Variants in TRPC5 observed in about 807,000 individuals in gnomAD.
The protein encoded by TRPC5 is short transient receptor potential channel 5.
A neutral mutation model predicts 56.5 loss-of-function variants in TRPC5; 9 were observed. That is an observed-to-expected ratio of 0.16 (90% CI 0.10 to 0.28). The LOEUF is 0.28. TRPC5 is among the 10% of genes least tolerant of loss of function. The probability of loss-of-function intolerance (pLI) is 1.00; values close to 1 mark genes in which losing one functional copy is unlikely to be tolerated. For synonymous variants in TRPC5, 282 were observed against 278.5 expected, an observed-to-expected ratio of 1.01 and a Z score of -0.13; for missense variants, 469 against 748.9, an observed-to-expected ratio of 0.63 and a Z score of 4.36.
At chrX:112,010,489 A>G (rs1243702790) in intron 1 of TRPC5, among the ~76,000 whole-genome samples, 1 of 111,744 alleles carries the variant, frequency 8.9e-6, no homozygotes, top group African/African-American at 3.3e-5. Flanking sequence ...CCTAGAGGGT[A>G]TAGCCTACTA....
intron 3 of TRPC5, among the ~76,000 whole-genome samples, chrX:111,912,018 C>G (rs760465514): frequency 1.8e-5 from 2 of 112,157 alleles, no homozygotes; most frequent in Admixed American, 9.5e-5. Flanking sequence ...CGGTGTCTGT[C>G]TTCTGTATCG....
intron 3 of TRPC5, among the ~76,000 whole-genome samples, chrX:111,877,959 G>C (rs926383567): frequency 9.0e-6 from 1 of 111,422 alleles, no homozygotes; most frequent in Admixed American, 9.6e-5. Context: ...ATAGGTTCTG[G>C]TGATTAAGAA....
At chrX:111,973,997 G>T (rs1388728181) in intron 1 of TRPC5, among the ~76,000 whole-genome samples, 2 of 111,548 alleles carry the variant, frequency 1.8e-5, no homozygotes, top group Non-Finnish European at 3.8e-5. Flanking sequence ...GAAGTGATGA[G>T]GAAAATATTA....
At chrX:111,894,770 G>A (rs182086130) in intron 3 of TRPC5, among the ~76,000 whole-genome samples, 120 of 111,226 alleles carry the variant, frequency 1.1e-3, no homozygotes, top group Middle Eastern at 4.7e-3. Context: ...AGTAAATTGC[G>A]CAAATTTTAA....
chrX:112,024,057 C>A (rs1929354364), intron 1 of TRPC5, among the ~76,000 whole-genome samples: 1 of 111,576 alleles, frequency 9.0e-6, no homozygotes, highest in Admixed American at 9.5e-5. Flanking sequence ...TAAAAATGAA[C>A]CTGCCTGCTT....
At chrX:111,777,030 T>A in intron 10 of TRPC5, 28 bp from the exon 11 acceptor site, 1 of 1,080,355 alleles carries the variant, frequency 9.3e-7, no homozygotes. Context: ...ACATATTATG[T>A]CAAGAAGCTT....
At chrX:111,994,403 T>C (rs1207417589) in intron 1 of TRPC5, among the ~76,000 whole-genome samples, 3 of 111,567 alleles carry the variant, frequency 2.7e-5, no homozygotes, top group African/African-American at 9.8e-5. Context: ...TTTGGTTCCA[T>C]ATGAAGTTTA....
chrX:112,024,340 T>C (rs1187634722), intron 1 of TRPC5, among the ~76,000 whole-genome samples: 2 of 111,740 alleles, frequency 1.8e-5, no homozygotes, highest in East Asian at 2.8e-4. Flanking sequence ...ATGCAATGAA[T>C]TGAAGGCCTG....
At chrX:112,003,593 C>A (rs956330482) in intron 1 of TRPC5, among the ~76,000 whole-genome samples, 2 of 110,239 alleles carry the variant, frequency 1.8e-5, no homozygotes, top group African/African-American at 3.3e-5. Flanking sequence ...TTTGCATATG[C>A]AAGGTTGTAG....
At position 111,966,231 on chromosome X, in the gene TRPC5, G is replaced by A. The variant is rs1265827237; in HGVS notation, c.-21-13790C>T. ...CGCAACTAAACTAGAAAATCTAGAAGAAATGGATAAATTCCTCAACACATA... is the reference window on the plus strand; with the variant it reads ...CGCAACTAAACTAGAAAATCTAGAAAAAATGGATAAATTCCTCAACACATA... On this transcript the variant is annotated intron_variant, in intron 1 of 10. Coordinates refer to ENST00000262839, the MANE Select transcript of TRPC5 (RefSeq NM_012471.3). 2.7e-5 allele frequency among the ~76,000 whole-genome samples: 3 copies of A among 112,067 alleles called. No individual in the cohort carries two copies. In the East Asian group the frequency reaches 8.4e-4, roughly 31 times the overall value.
At chrX:112,027,834 T>C (rs1929462376) in intron 1 of TRPC5, among the ~76,000 whole-genome samples, 1 of 112,229 alleles carries the variant, frequency 8.9e-6, no homozygotes, top group African/African-American at 3.2e-5. Context: ...GAGCCCATCA[T>C]GTCTCAGAAT....
chrX:111,971,955 C>T (rs1223894514), intron 1 of TRPC5, among the ~76,000 whole-genome samples: 2 of 111,897 alleles, frequency 1.8e-5, no homozygotes, highest in African/African-American at 6.5e-5. Context: ...CTGCTCAACA[C>T]GTTTTTCATC....
At chrX:111,862,735 T>C (rs2148590097) in intron 3 of TRPC5, among the ~76,000 whole-genome samples, 1 of 112,258 alleles carries the variant, frequency 8.9e-6, no homozygotes, top group South Asian at 3.7e-4. Flanking sequence ...TTGTTGAAAG[T>C]CAATTAACCA....
intron 7 of TRPC5, among the ~76,000 whole-genome samples, chrX:111,809,907 T>TTTTTG (rs1238424426): frequency 9.2e-6 from 1 of 108,904 alleles, no homozygotes; most frequent in South Asian, 4.0e-4. Flanking sequence ...GTTGTTGTTG[T>TTTTTG]TTTTGTTTTG....
chrX:112,055,276 G>A (rs780877063), intron 1 of TRPC5, among the ~76,000 whole-genome samples: 5 of 112,016 alleles, frequency 4.5e-5, no homozygotes, highest in East Asian at 2.8e-4. Flanking sequence ...CTTCTAGAAG[G>A]TTCTACTCAT....
In TRPC5 at chrX:111,975,820, A is replaced by G. The variant is rs191836904; in HGVS notation, c.-21-23379T>C. Among the ~76,000 whole-genome samples the G allele has an allele frequency of 1.1e-3, 127 of 111,986 alleles. 1 individual carries two copies. In the East Asian group the frequency reaches 0.029, roughly 26 times the overall value. On this transcript the variant is annotated intron_variant, in intron 1 of 10. Coordinates refer to ENST00000262839, the MANE Select transcript of TRPC5 (RefSeq NM_012471.3). Reference sequence around the variant, plus strand: ...TCAGGAGGCTGAGGCAGGAGAATGGAGCAAAGCGGAGAGGCGGAGCTTGCA... The same window carrying G: ...TCAGGAGGCTGAGGCAGGAGAATGGGGCAAAGCGGAGAGGCGGAGCTTGCA...
chrX:112,050,641 C>T (rs1050528125), intron 1 of TRPC5, among the ~76,000 whole-genome samples: 1 of 112,404 alleles, frequency 8.9e-6, no homozygotes, highest in African/African-American at 3.2e-5. Context: ...AAGTCACTTA[C>T]TTGCTTGACA....
At chrX:111,927,107 A>G (rs771837642) in intron 2 of TRPC5, among the ~76,000 whole-genome samples, 1 of 112,394 alleles carries the variant, frequency 8.9e-6, no homozygotes, top group East Asian at 2.8e-4. Context: ...CAACCTCAGC[A>G]TTCTTGACAT....
chrX:111,919,464 C>T lies in TRPC5; in HGVS notation c.379-6652G>A, dbSNP rs949930285. ...CATCTTTTAGAGCTGTAACACTCAA[C>T]GCAAAGCTCCACGGCTCCATTATTG... On this transcript the variant is annotated intron_variant, in intron 2 of 10. Transcript: ENST00000262839. 8.0e-5 allele frequency among the ~76,000 whole-genome samples: 9 copies of T among 112,116 alleles called. No individual in the cohort carries two copies. The South Asian group carries it at 1.1e-3, about 14-fold the overall frequency.
Sources: gnomAD v4.1 joint callset for allele counts (sites outside exome capture counted in the v4.1 genomes callset) on GRCh38, gnomAD v4.1.1 for gene constraint, MANE v1.5 for transcripts, NCBI Gene and HGNC (gene_info 2026-07-23, HGNC 2026-07-21) for gene names.